The following ADGRL2 variants were observed in gnomAD, a reference collection of about 807,000 sequenced individuals.
The protein encoded by ADGRL2 is calcium-independent alpha-latrotoxin receptor 2.
ADGRL2 carries 44 observed loss-of-function variants against 157.4 expected under a neutral mutation model. The ratio of observed to expected loss-of-function variants is 0.28; its 90% CI spans 0.22 to 0.36. The LOEUF (loss-of-function observed/expected upper bound fraction) is 0.36, where lower values mean the gene tolerates loss of function less well. Among genes scored for constraint, ADGRL2 ranks in the 10% least tolerant of loss-of-function variants. ADGRL2 has a pLI of 1.00. For missense variants in ADGRL2, 1,510 were observed against 1,768.9 expected, an observed-to-expected ratio of 0.85 and a Z score of 2.63; for synonymous variants, 585 against 624.7, an observed-to-expected ratio of 0.94 and a Z score of 0.95.
Position 81,604,770 on chromosome 1 carries a change from G to C in ADGRL2, c.-143+23790G>C, listed in dbSNP as rs367748453. Among the ~76,000 whole-genome samples the C allele has an allele frequency of 2.5e-4, 38 of 152,206 alleles. 5 individuals are homozygous for C. The highest frequency in any genetic ancestry group is 1.9e-3 in the East Asian group (10 of 5,152). ...TCTCATCAAGAACACAGCACATTAG[G>C]ATTCACCTGAGCCATGTGTGTTTGG... is the stretch of plus-strand genomic sequence containing the variant. On this transcript the variant is annotated intron_variant, in intron 3 of 24. Transcript: ENST00000370721.
At chr1:81,332,044 T>C (rs114442173) in intron 1 of ADGRL2, among the ~76,000 whole-genome samples, 2,637 of 152,196 alleles carry the variant, frequency 0.017, 59 homozygotes, top group South Asian at 0.051. Context: ...TGGGCCCAAG[T>C]TGTATTTTGA....
intron 3 of ADGRL2, among the ~76,000 whole-genome samples, chr1:81,662,672 A>G (rs1243276420): frequency 6.6e-6 from 1 of 150,988 alleles, no homozygotes; most frequent in African/African-American, 2.4e-5. Flanking sequence ...CTCCTACCTC[A>G]GCCTCCTGAG....
chr1:81,489,449 A>G (rs2078583263), intron 2 of ADGRL2, among the ~76,000 whole-genome samples: 1 of 152,190 alleles, frequency 6.6e-6, no homozygotes, highest in Non-Finnish European at 1.5e-5. Context: ...AAAACAAAAT[A>G]TACAGCCTAA....
At chr1:81,498,347 A>G (rs942505425) in intron 2 of ADGRL2, among the ~76,000 whole-genome samples, 3 of 152,190 alleles carry the variant, frequency 2.0e-5, no homozygotes, top group African/African-American at 7.2e-5. Context: ...TCTTTGTTTG[A>G]GAAAACCCTT....
At chr1:81,627,018 C>A (rs922186274) in intron 3 of ADGRL2, among the ~76,000 whole-genome samples, 6 of 151,964 alleles carry the variant, frequency 3.9e-5, no homozygotes, top group East Asian at 1.9e-4. Context: ...TATAGTTATG[C>A]CAAGCCAGGT....
chr1:81,605,335 CTG>C (rs1228122903), intron 3 of ADGRL2, among the ~76,000 whole-genome samples: 1 of 152,090 alleles, frequency 6.6e-6, no homozygotes, highest in Admixed American at 6.6e-5. Flanking sequence ...CAATGACAAA[CTG>C]TATTATTCAA....
intron 1 of ADGRL2, among the ~76,000 whole-genome samples, chr1:81,826,722 C>T (rs1331361512): frequency 1.3e-5 from 2 of 152,022 alleles, no homozygotes; most frequent in Non-Finnish European, 2.9e-5. Context: ...TTATCCTTAT[C>T]GCCAGAGACA....
intron 1 of ADGRL2, among the ~76,000 whole-genome samples, chr1:81,444,424 TG>T (rs1272949970): frequency 6.6e-6 from 1 of 152,218 alleles, no homozygotes; most frequent in Admixed American, 6.5e-5. Context: ...CAGTTTGAGT[TG>T]ATATTAACTC....
At chr1:81,634,565 C>T (rs528607634) in intron 3 of ADGRL2, among the ~76,000 whole-genome samples, 77 of 149,890 alleles carry the variant, frequency 5.1e-4, no homozygotes, top group Admixed American at 2.1e-3. Flanking sequence ...GATGGAGTCT[C>T]GCTCTGTCAC....
chr1:81,458,759 A>G lies in ADGRL2; in HGVS notation c.-248+13670A>G, dbSNP rs187123165. On this transcript the variant is annotated intron_variant, in intron 2 of 24. Transcript: ENST00000370721. ...GAAACCAGGAGTCCCAAGGAGTGTT[A>G]CAGCTTTTGCTCGGGGAGTCCTGAG... Among the ~76,000 whole-genome samples, 4 of 152,318 alleles carry G rather than the reference A, an allele frequency of 2.6e-5. No homozygotes were observed. The East Asian group carries it at 7.7e-4, about 29-fold the overall frequency.
Position 81,555,449 on chromosome 1 carries a change from A to T in ADGRL2, c.-247-25427A>T, listed in dbSNP as rs564637505. 2.9e-3 allele frequency among the ~76,000 whole-genome samples: 446 copies of T among 151,894 alleles called. 3 individuals carry two copies. The highest frequency in any genetic ancestry group is 0.011 in the African/African-American group (439 of 41,424). ...ATATCTGGCTAATTTTTATATTTTT[A>T]GTAGAGATGGTGTTTCACCATATTG... On this transcript the variant is annotated intron_variant, in intron 2 of 24. Coordinates refer to the ADGRL2 transcript ENST00000370721.
At chr1:81,862,207 A>G (rs1370126560) in intron 2 of ADGRL2, among the ~76,000 whole-genome samples, 3 of 152,166 alleles carry the variant, frequency 2.0e-5, no homozygotes, top group Non-Finnish European at 4.4e-5. Context: ...AGAGACTAAG[A>G]TGGATGAGAC....
intron 3 of ADGRL2, among the ~76,000 whole-genome samples, chr1:81,922,454 T>C (rs1014834673): frequency 1.3e-5 from 2 of 152,210 alleles, no homozygotes; most frequent in African/African-American, 4.8e-5. Context: ...TTTTTAACTC[T>C]GTAATGTCAG....
intron 2 of ADGRL2, among the ~76,000 whole-genome samples, chr1:81,795,266 G>A (rs1270216865): frequency 6.6e-6 from 1 of 152,100 alleles, no homozygotes; most frequent in Non-Finnish European, 1.5e-5. Context: ...TGTGGTCACA[G>A]CTACTTGGGA....
At chr1:81,365,458 G>A (rs1307155942) in intron 1 of ADGRL2, among the ~76,000 whole-genome samples, 1 of 152,032 alleles carries the variant, frequency 6.6e-6, no homozygotes, top group African/African-American at 2.4e-5. Flanking sequence ...ATAAACAGAG[G>A]TCTTATATGC....
At chr1:81,872,863 A>G (rs1325541532) in intron 2 of ADGRL2, among the ~76,000 whole-genome samples, 1 of 152,124 alleles carries the variant, frequency 6.6e-6, no homozygotes, top group African/African-American at 2.4e-5. Flanking sequence ...AGGAAAGCTA[A>G]AAAGTTTGTT....
intron 2 of ADGRL2, among the ~76,000 whole-genome samples, chr1:81,537,875 T>C (rs2079782993): frequency 6.6e-6 from 1 of 151,976 alleles, no homozygotes; most frequent in Non-Finnish European, 1.5e-5. Context: ...AATTTTTGTA[T>C]TTTTAGTAGA....
intron 1 of ADGRL2, among the ~76,000 whole-genome samples, chr1:81,429,385 CT>C (rs1482324423): frequency 1.3e-5 from 2 of 152,128 alleles, no homozygotes; most frequent in Non-Finnish European, 2.9e-5. Context: ...AAAGCAATGC[CT>C]AATCTCTAAT....
At chr1:81,813,956 C>T (rs975688979) in intron 1 of ADGRL2, among the ~76,000 whole-genome samples, 3 of 151,586 alleles carry the variant, frequency 2.0e-5, no homozygotes, top group Non-Finnish European at 4.4e-5. Flanking sequence ...GTAAGTTCTA[C>T]CTGTTTTGTC....
Sources: gnomAD v4.1 joint callset for allele counts (sites outside exome capture counted in the v4.1 genomes callset) on GRCh38, gnomAD v4.1.1 for gene constraint, MANE v1.5 for transcripts, NCBI Gene and HGNC (gene_info 2026-07-23, HGNC 2026-07-21) for gene names.